Variants in PXDNL observed in about 807,000 individuals in gnomAD.
PXDNL encodes peroxidasin like.
PXDNL carries 145 observed loss-of-function variants against 150.8 expected under a neutral mutation model. The observed-to-expected ratio is 0.96, with a 90% CI of 0.84 to 1.10. The LOEUF (loss-of-function observed/expected upper bound fraction) is 1.10, where lower values mean the gene tolerates loss of function less well. Ranked by LOEUF, PXDNL falls within the 50% of genes least tolerant of loss-of-function variation. The pLI is 0.00. For missense variants in PXDNL, 2,087 were observed against 1,873.9 expected, an observed-to-expected ratio of 1.11 and a Z score of -2.10; for synonymous variants, 757 against 725.7, an observed-to-expected ratio of 1.04 and a Z score of -0.69.
intron 2 of PXDNL, among the ~76,000 whole-genome samples, chr8:51,640,380 AG>A (rs1399156353): frequency 6.6e-6 from 1 of 152,176 alleles, no homozygotes. Flanking sequence ...AAGGAAATAA[AG>A]GGTATTCAAT....
At position 51,653,606 on chromosome 8, in the gene PXDNL, T is replaced by C. The variant is rs1815086555; in HGVS notation, c.236+1083A>G. 2.6e-5 allele frequency among the ~76,000 whole-genome samples: 4 copies of C among 152,296 alleles called. No homozygotes were observed. In the South Asian group the frequency reaches 8.3e-4, roughly 32 times the overall value. On this transcript the variant is annotated intron_variant, in intron 2 of 22. Coordinates refer to ENST00000356297, the MANE Select transcript of PXDNL (RefSeq NM_144651.5). ...AAAGAATAAACCCTGCAGTCCTTAC[T>C]TTCTTATGTTCTTACATCATCCCAA...
chr8:51,778,468 CT>C, intron 1 of PXDNL, among the ~76,000 whole-genome samples: 1 of 152,256 alleles, frequency 6.6e-6, no homozygotes, highest in Non-Finnish European at 1.5e-5. Context: ...CTCATCACTC[CT>C]CTCCACACAC....
intron 8 of PXDNL, 109 bp from the exon 9 acceptor site, chr8:51,457,776 T>G: frequency 1.4e-6 from 1 of 692,262 alleles, no homozygotes; most frequent in Non-Finnish European, 2.2e-6. Context: ...TCTACCAAAT[T>G]TGTTAAATTT....
chr8:51,402,959 C>T (rs749345561), intron 17 of PXDNL, among the ~76,000 whole-genome samples: 86 of 150,456 alleles, frequency 5.7e-4, no homozygotes, highest in Non-Finnish European at 1.1e-3. Context: ...GCGAGGTGGC[C>T]GGCGCCTATA....
At chr8:51,801,167 C>T (rs947393022) in intron 1 of PXDNL, among the ~76,000 whole-genome samples, 4 of 152,028 alleles carry the variant, frequency 2.6e-5, no homozygotes, top group African/African-American at 7.2e-5. Context: ...GGTCTATAAA[C>T]AGCCGCTCTG....
chr8:51,440,528 C>G (rs927241202), intron 12 of PXDNL, among the ~76,000 whole-genome samples: 2 of 152,168 alleles, frequency 1.3e-5, no homozygotes, highest in African/African-American at 2.4e-5. Context: ...TGAGTCCACA[C>G]CATCCATGAA....
intron 1 of PXDNL, among the ~76,000 whole-genome samples, chr8:51,699,553 A>C (rs772634951): frequency 3.3e-5 from 5 of 152,212 alleles, no homozygotes; most frequent in Non-Finnish European, 7.3e-5. Flanking sequence ...TGTTCACTGG[A>C]GTAGCACTTT....
intron 19 of PXDNL, among the ~76,000 whole-genome samples, chr8:51,357,797 G>A (rs1022222553): frequency 6.6e-6 from 1 of 152,042 alleles, no homozygotes; most frequent in Non-Finnish European, 1.5e-5. Flanking sequence ...TTTTTGAGTA[G>A]GTAAGAAATA....
intron 4 of PXDNL, among the ~76,000 whole-genome samples, chr8:51,538,269 C>G (rs1474990676): frequency 6.6e-6 from 1 of 152,132 alleles, no homozygotes; most frequent in African/African-American, 2.4e-5. Flanking sequence ...AATTTTTGCT[C>G]TGGTATAATT....
At position 51,528,128 on chromosome 8, in the gene PXDNL, T is replaced by C. The variant is rs1008549177; in HGVS notation, c.381-28358A>G. Among the ~76,000 whole-genome samples the C allele has an allele frequency of 2.0e-5, 3 of 152,218 alleles. No individual in the cohort carries two copies. The East Asian group carries it at 5.8e-4, about 29-fold the overall frequency. Reference sequence around the variant, plus strand: ...ATATTAATAAAAATGGTCACTTGACTCATCCTTAAGTTATTTATACAATTA... The same window carrying C: ...ATATTAATAAAAATGGTCACTTGACCCATCCTTAAGTTATTTATACAATTA... On this transcript the variant is annotated intron_variant, in intron 4 of 22. Coordinates refer to ENST00000356297, the MANE Select transcript of PXDNL (RefSeq NM_144651.5).
At chr8:51,421,309 C>G (rs1216324202) in intron 14 of PXDNL, among the ~76,000 whole-genome samples, 1 of 152,120 alleles carries the variant, frequency 6.6e-6, no homozygotes, top group Non-Finnish European at 1.5e-5. Context: ...AATGTGAACT[C>G]CATAAATTTA....
chr8:51,582,458 T>C (rs1051750582), intron 3 of PXDNL, among the ~76,000 whole-genome samples: 1 of 152,194 alleles, frequency 6.6e-6, no homozygotes, highest in Non-Finnish European at 1.5e-5. Flanking sequence ...CAGCAACAAC[T>C]TTGAAAGGCT....
intron 1 of PXDNL, among the ~76,000 whole-genome samples, chr8:51,802,188 T>C (rs1585761830): frequency 6.6e-6 from 1 of 152,122 alleles, no homozygotes; most frequent in East Asian, 1.9e-4. Flanking sequence ...TTTTTTTAAT[T>C]TTAAAATGCA....
intron 1 of PXDNL, among the ~76,000 whole-genome samples, chr8:51,790,223 C>A (rs765092938): frequency 6.7e-6 from 1 of 148,266 alleles, no homozygotes; most frequent in Non-Finnish European, 1.5e-5. Context: ...TTTTTTTGCA[C>A]AAACCTCCAT....
At chr8:51,376,477 A>G (rs1419116173) in intron 17 of PXDNL, among the ~76,000 whole-genome samples, 1 of 151,854 alleles carries the variant, frequency 6.6e-6, no homozygotes, top group Non-Finnish European at 1.5e-5. Context: ...CTCCTGTTTC[A>G]ATTCTTTTTC....
At chr8:51,581,586 G>C (rs542184466) in intron 3 of PXDNL, among the ~76,000 whole-genome samples, 1 of 151,902 alleles carries the variant, frequency 6.6e-6, no homozygotes, top group Non-Finnish European at 1.5e-5. Context: ...AGTTATCTTC[G>C]TGAGAAATTC....
chr8:51,630,047 G>T (rs912535998), intron 2 of PXDNL, among the ~76,000 whole-genome samples: 2 of 151,678 alleles, frequency 1.3e-5, no homozygotes, highest in African/African-American at 2.4e-5. Flanking sequence ...ATAATACAAG[G>T]CTATAGTAAT....
chr8:51,444,111 G>A (rs931690934), intron 12 of PXDNL, among the ~76,000 whole-genome samples: 2 of 152,150 alleles, frequency 1.3e-5, no homozygotes, highest in African/African-American at 2.4e-5. Context: ...ATTTCCCCCT[G>A]TTTCATCAAT....
intron 12 of PXDNL, among the ~76,000 whole-genome samples, chr8:51,440,865 G>T (rs1210314008): frequency 6.6e-6 from 1 of 152,128 alleles, no homozygotes; most frequent in Non-Finnish European, 1.5e-5. Flanking sequence ...GGTGCAGAGG[G>T]CCAGCAGGAT....
Sources: gnomAD v4.1 joint callset for allele counts (sites outside exome capture counted in the v4.1 genomes callset) on GRCh38, gnomAD v4.1.1 for gene constraint, MANE v1.5 for transcripts, NCBI Gene and HGNC (gene_info 2026-07-23, HGNC 2026-07-21) for gene names.